PSMD1: variants seen among roughly 807,000 people sequenced by gnomAD.
PSMD1 encodes the protein proteasome 26S subunit, non-ATPase 1, also known as 26S proteasome non-ATPase regulatory subunit 1.
Under a neutral mutation model 119.0 loss-of-function variants are expected in PSMD1, and 18 were observed. The observed-to-expected ratio is 0.15, with a 90% CI of 0.10 to 0.22. PSMD1 has a LOEUF of 0.22. PSMD1 is among the 10% of genes least tolerant of loss of function. The pLI, the probability that PSMD1 is intolerant of heterozygous loss-of-function variation, is 1.00. For synonymous variants in PSMD1, 374 were observed against 396.6 expected, an observed-to-expected ratio of 0.94 and a Z score of 0.68; for missense variants, 702 against 1,158.5, an observed-to-expected ratio of 0.61 and a Z score of 5.72.
intron 1 of PSMD1, chr2:231,060,446 A>G (rs1396238799): frequency 2.0e-5 from 3 of 152,238 alleles, no homozygotes; most frequent in Non-Finnish European, 4.4e-5. Context: ...ACCCACATGG[A>G]AAGCATTTGA....
At chr2:231,076,936 G>T in intron 8 of PSMD1, 98 bp from the exon 9 acceptor site, 2 of 1,069,372 alleles carry the variant, frequency 1.9e-6, no homozygotes, top group Non-Finnish European at 1.3e-6. Context: ...AAAATGGACT[G>T]AATTTCACTG....
intron 16 of PSMD1, among the ~76,000 whole-genome samples, chr2:231,122,568 A>G (rs867680787): frequency 1.3e-4 from 20 of 152,140 alleles, no homozygotes; most frequent in Non-Finnish European, 1.5e-4. Flanking sequence ...GCTGATTCCA[A>G]GGGTCTAGGA....
chr2:231,080,410 T>A, intron 12 of PSMD1, 96 bp downstream of exon 12: 1 of 1,095,424 alleles, frequency 9.1e-7, no homozygotes, highest in Admixed American at 3.3e-5. Flanking sequence ...TTTGTAGAAT[T>A]TGCGAATACC....
chr2:231,095,155 CT>C (rs1184120942), intron 16 of PSMD1, among the ~76,000 whole-genome samples: 4 of 152,190 alleles, frequency 2.6e-5, no homozygotes, highest in Non-Finnish European at 5.9e-5. Context: ...CTCAATTCCC[CT>C]TTTTGCTGCA....
At chr2:231,153,474 C>A in intron 18 of PSMD1, 90 bp from the exon 19 acceptor site, 1 of 932,718 alleles carries the variant, frequency 1.1e-6, no homozygotes, top group Non-Finnish European at 1.7e-6. Flanking sequence ...AGAACTAACT[C>A]ATTATCATTG....
chr2:231,087,932 A>G (rs562005250), intron 16 of PSMD1, among the ~76,000 whole-genome samples: 19 of 152,006 alleles, frequency 1.2e-4, no homozygotes, highest in East Asian at 9.7e-4. Context: ...ACTGCACTCC[A>G]GCCTGGGGTG....
At chr2:231,065,339 C>T (rs2125154102) in intron 4 of PSMD1, among the ~76,000 whole-genome samples, 1 of 151,644 alleles carries the variant, frequency 6.6e-6, no homozygotes, top group African/African-American at 2.4e-5. Flanking sequence ...GTCTCCCAGG[C>T]TGGAGTGCAG....
At chr2:231,149,327 T>A (rs1249063330) in intron 18 of PSMD1, among the ~76,000 whole-genome samples, 2 of 152,188 alleles carry the variant, frequency 1.3e-5, no homozygotes, top group East Asian at 3.8e-4. Flanking sequence ...AACCCAACTC[T>A]CCTCTTTATT....
chr2:231,113,798 G>C, intron 16 of PSMD1: 3 of 1,614,102 alleles, frequency 1.9e-6, no homozygotes, highest in Non-Finnish European at 2.5e-6. Flanking sequence ...TGATTGGCCT[G>C]GATTGGCTTT....
At chr2:231,165,024 T>TTA (rs1336028080) in intron 21 of PSMD1, 176 bp from the exon 22 acceptor site, 1 of 138,718 alleles carries the variant, frequency 7.2e-6, no homozygotes, top group Non-Finnish European at 1.4e-5. Flanking sequence ...ATTCTTTGAT[T>TTA]TATATATATT....
chr2:231,088,564 T>C (rs1248152002), intron 16 of PSMD1, among the ~76,000 whole-genome samples: 9 of 152,234 alleles, frequency 5.9e-5, no homozygotes, highest in African/African-American at 1.9e-4. Context: ...CATCAGTGAT[T>C]TTTGATGTTA....
intron 16 of PSMD1, among the ~76,000 whole-genome samples, chr2:231,119,889 AAACTT>A (rs1695473714): frequency 6.6e-6 from 1 of 151,098 alleles, no homozygotes; most frequent in Non-Finnish European, 1.5e-5. Context: ...AAAAAAAAAA[AAACTT>A]ATAAATAAAC....
chr2:231,111,558 T>C (rs1695156898), intron 16 of PSMD1, among the ~76,000 whole-genome samples: 1 of 152,208 alleles, frequency 6.6e-6, no homozygotes, highest in African/African-American at 2.4e-5. Flanking sequence ...TAACTGTAAA[T>C]CCAAAAGAAG....
intron 18 of PSMD1, among the ~76,000 whole-genome samples, chr2:231,150,509 AC>A (rs1335187892): frequency 6.6e-6 from 1 of 151,882 alleles, no homozygotes; most frequent in Non-Finnish European, 1.5e-5. Context: ...AGCTCTGAAA[AC>A]TCAGAGGTTT....
intron 16 of PSMD1, chr2:231,113,743 C>T: frequency 6.2e-7 from 1 of 1,613,944 alleles, no homozygotes. Flanking sequence ...TGAAATTAAC[C>T]ACACCACTGT....
intron 21 of PSMD1, 107 bp downstream of exon 21, chr2:231,163,834 A>G (rs140402231): frequency 1.7e-5 from 13 of 784,582 alleles, no homozygotes; most frequent in African/African-American, 1.4e-4. Context: ...AACACTTCTT[A>G]TGCTAACATT....
chr2:231,062,741 A>G (rs749306539), intron 4 of PSMD1, 66 bp downstream of exon 4: 1 of 1,292,500 alleles, frequency 7.7e-7, no homozygotes, highest in Non-Finnish European at 1.0e-6. Context: ...TGCACATAGA[A>G]GCTTTTTTCC....
intron 18 of PSMD1, among the ~76,000 whole-genome samples, chr2:231,149,057 T>A (rs1696313853): frequency 6.6e-6 from 1 of 152,274 alleles, no homozygotes; most frequent in South Asian, 2.1e-4. Flanking sequence ...TCAGGTATTT[T>A]GTGAAATTCA....
intron 13 of PSMD1, 86 bp from the exon 14 acceptor site, chr2:231,083,481 T>C (rs1045534534): frequency 2.2e-6 from 3 of 1,394,088 alleles, no homozygotes; most frequent in Non-Finnish European, 3.0e-6. Flanking sequence ...TGATAGTTTA[T>C]GCAAAAAGAG....
Sources: gnomAD v4.1 joint callset for allele counts (sites outside exome capture counted in the v4.1 genomes callset) on GRCh38, gnomAD v4.1.1 for gene constraint, MANE v1.5 for transcripts, NCBI Gene and HGNC (gene_info 2026-07-23, HGNC 2026-07-21) for gene names.